Variants in AP4E1 observed in about 807,000 individuals in gnomAD.
The protein encoded by AP4E1 is adaptor related protein complex 4 subunit epsilon 1.
A neutral mutation model predicts 128.2 loss-of-function variants in AP4E1; 56 were observed. The observed-to-expected ratio is 0.44, with a 90% CI of 0.35 to 0.55. The LOEUF (loss-of-function observed/expected upper bound fraction) is 0.55, where lower values mean the gene tolerates loss of function less well. Among genes scored for constraint, AP4E1 ranks in the 20% least tolerant of loss-of-function variants. The pLI is 0.00. For missense variants in AP4E1, 1,324 were observed against 1,307.7 expected (o/e 1.01, Z -0.19); for synonymous variants, 484 against 473.1 (o/e 1.02, Z -0.30).
chr15:50,975,956 CAGAGAGAGAGAGAG>C (rs35121200), intron 15 of AP4E1, among the ~76,000 whole-genome samples: 2 of 148,192 alleles, frequency 1.3e-5, no homozygotes, highest in African/African-American at 2.5e-5. Flanking sequence ...ACAAAAGGGA[CAGAGAGAGAGAGAG>C]AGAGAGAGAG....
At position 51,002,645 on chromosome 15, in the gene AP4E1, G is replaced by A. The variant is rs1259529977; in HGVS notation, c.3397G>A (p.Val1133Met). ...PDYLLYQCQKVMEGS is the reference protein window; with the variant it reads ...PDYLLYQCQKMMEGS ...CTATTTACTGTATCAGTGTCAAAAG[G>A]TGATGGAGGGATCCTAGCAGAAGCC... Residue 1133 changes from valine to methionine, a missense_variant, in exon 21 of 21, where the codon GTG (valine) becomes ATG (methionine). Val to Met is a conservative substitution (Grantham distance 21, BLOSUM62 1). Transcript: ENST00000261842. 6.2e-7 allele frequency: 1 copy of A among 1,613,992 alleles called. No individual in the cohort carries two copies. Among genetic ancestry groups the A allele is most frequent in the East Asian group, 2.2e-5 (1 of 44,880 alleles).
chr15:50,950,693 T>C (rs1362862258), intron 13 of AP4E1, among the ~76,000 whole-genome samples: 1 of 152,072 alleles, frequency 6.6e-6, no homozygotes, highest in Non-Finnish European at 1.5e-5. Flanking sequence ...GCCATGGTGT[T>C]TTTTGCTGCA....
chr15:50,909,190 C>G (rs1371065285), intron 1 of AP4E1, among the ~76,000 whole-genome samples: 1 of 152,212 alleles, frequency 6.6e-6, no homozygotes, highest in Non-Finnish European at 1.5e-5. Flanking sequence ...TCTGAGCCTC[C>G]GTGTGTTTTC....
intron 13 of AP4E1, among the ~76,000 whole-genome samples, chr15:50,952,645 T>C (rs1329436942): frequency 1.3e-5 from 2 of 152,212 alleles, no homozygotes; most frequent in East Asian, 1.9e-4. Context: ...CCAGATCCAG[T>C]TGAGGATCAC....
intron 7 of AP4E1, among the ~76,000 whole-genome samples, chr15:50,931,510 G>A (rs2063835619): frequency 6.6e-6 from 1 of 152,116 alleles, no homozygotes; most frequent in Non-Finnish European, 1.5e-5. Context: ...AGGTTGCAGT[G>A]AGCCGAGATT....
chr15:50,982,786 T>G (rs927721025), intron 15 of AP4E1, among the ~76,000 whole-genome samples: 1 of 152,198 alleles, frequency 6.6e-6, no homozygotes, highest in Non-Finnish European at 1.5e-5. Context: ...AGGTGATATT[T>G]CCTTTGGAGG....
intron 16 of AP4E1, among the ~76,000 whole-genome samples, chr15:50,984,947 C>T (rs1036945138): frequency 4.6e-5 from 7 of 152,138 alleles, no homozygotes; most frequent in Admixed American, 1.3e-4. Flanking sequence ...GTTCCTATTT[C>T]TCCACATCCT....
At chr15:50,991,164 G>A (rs1297705312) in intron 16 of AP4E1, among the ~76,000 whole-genome samples, 1 of 152,190 alleles carries the variant, frequency 6.6e-6, no homozygotes, top group Non-Finnish European at 1.5e-5. Flanking sequence ...TGCAGCTCAG[G>A]CAATCCCTGA....
At chr15:51,002,272 C>T (rs2064973180) in intron 20 of AP4E1, among the ~76,000 whole-genome samples, 1 of 152,202 alleles carries the variant, frequency 6.6e-6, no homozygotes, top group Non-Finnish European at 1.5e-5. Context: ...GTTCCAGTTT[C>T]TCCACGTCTT....
intron 2 of AP4E1, among the ~76,000 whole-genome samples, chr15:50,913,133 A>G (rs2063584479): frequency 6.6e-6 from 1 of 152,208 alleles, no homozygotes; most frequent in South Asian, 2.1e-4. Context: ...TTTGAATAAC[A>G]CTTGTAAAGT....
chr15:50,968,827 A>G (rs2140894498), intron 15 of AP4E1, among the ~76,000 whole-genome samples: 1 of 137,830 alleles, frequency 7.3e-6, no homozygotes, highest in African/African-American at 2.6e-5. Context: ...GGGGTTTCAA[A>G]CTTGGCCAGG....
intron 15 of AP4E1, among the ~76,000 whole-genome samples, chr15:50,974,315 G>A (rs988308191): frequency 2.7e-5 from 4 of 147,994 alleles, no homozygotes; most frequent in Non-Finnish European, 5.9e-5. Flanking sequence ...CACCTAGGCT[G>A]GAGTGCAGTA....
chr15:50,941,511 C>G lies in AP4E1; in HGVS notation c.1013C>G (p.Ala338Gly), dbSNP rs1057236720. 1.9e-6 allele frequency: 3 copies of G among 1,612,946 alleles called. No individual in the cohort carries two copies. The highest frequency in any genetic ancestry group is 2.5e-6 in the Non-Finnish European group (3 of 1,179,534). Reference sequence around the variant, plus strand: ...AAATCGGAATTACTTGAGAAGGCTGCCAAGTGCATTGGAAAATTTGTTCTG... The same window carrying G: ...AAATCGGAATTACTTGAGAAGGCTGGCAAGTGCATTGGAAAATTTGTTCTG... ...YPKSELLEKA[A>G]KCIGKFVLSP... The change falls in exon 9 of 21, where the codon GCC becomes GGC. Residue 338 changes from alanine to glycine, a missense_variant. Physicochemically the swap from Ala to Gly is moderately conservative, Grantham distance 60. Coordinates refer to ENST00000261842, the MANE Select transcript of AP4E1 (RefSeq NM_007347.5).
chr15:50,939,912 G>T (rs1357909003), intron 8 of AP4E1, among the ~76,000 whole-genome samples: 1 of 152,106 alleles, frequency 6.6e-6, no homozygotes, highest in Admixed American at 6.6e-5. Context: ...AATATTTTAG[G>T]CTTTGCAGGT....
rs139275911 is a variant in AP4E1 at position 50,952,180 on chromosome 15, A to G, written c.1548+2011A>G. ...CCTAAAACCTCAACATGAATCTTCT[A>G]TGAATGACATAAGTATAAAACTGTT... On this transcript the variant is annotated intron_variant, in intron 13 of 20. Coordinates refer to ENST00000261842, the MANE Select transcript of AP4E1 (RefSeq NM_007347.5). 4.7e-3 allele frequency among the ~76,000 whole-genome samples: 718 copies of G among 152,320 alleles called. 1 individual carries two copies. Among genetic ancestry groups the G allele is most frequent in the Middle Eastern group, 0.014 (4 of 294 alleles).
upstream of AP4E1, chr15:50,908,541 G>A (rs2063522996): frequency 4.4e-6 from 2 of 456,254 alleles, no homozygotes; most frequent in Admixed American, 9.1e-5. Flanking sequence ...CGAGAAAGGA[G>A]GTCTACTTAC....
chr15:50,911,479 A>ATTTTTTTTTTTTTTTTTTTTTTT (rs536958160), intron 1 of AP4E1, among the ~76,000 whole-genome samples: 1 of 124,694 alleles, frequency 8.0e-6, no homozygotes, highest in Non-Finnish European at 1.6e-5. Context: ...TCCACCTTTA[A>ATTTTTTTTTTTTTTTTTTTTTTT]TTTTTTTTTT....
chr15:50,934,433 A>T, intron 7 of AP4E1, 191 bp from the exon 8 acceptor site: 1 of 498,330 alleles, frequency 2.0e-6, no homozygotes, highest in Non-Finnish European at 3.6e-6. Context: ...GTCAACTTTG[A>T]TAAAGTAGGA....
chr15:50,998,997 T>C (rs548111524), intron 18 of AP4E1, 75 bp from the exon 19 acceptor site: 1 of 1,377,710 alleles, frequency 7.3e-7, no homozygotes, highest in Admixed American at 1.7e-5. Context: ...TTCAATTAAA[T>C]AGAAAATTGG....
Sources: allele counts gnomAD v4.1 joint callset (sites outside exome capture counted in the v4.1 genomes callset), GRCh38; gene constraint gnomAD v4.1.1; transcripts MANE v1.5; gene names NCBI Gene and HGNC (gene_info 2026-07-23, HGNC 2026-07-21).